The following NRG3 variants were observed in gnomAD, a reference collection of about 807,000 sequenced individuals.
The protein encoded by NRG3 is pro-neuregulin-3, membrane-bound isoform.
In NRG3, 31 loss-of-function variants were observed where a neutral mutation model predicts 66.9. The observed-to-expected ratio is 0.46, with a 90% confidence interval of 0.35 to 0.63. The LOEUF (loss-of-function observed/expected upper bound fraction) is 0.63, where lower values mean the gene tolerates loss of function less well. Ranked by LOEUF, NRG3 falls within the 20% of genes least tolerant of loss-of-function variation. The pLI is 0.00. For missense variants in NRG3, 910 were observed against 878.9 expected (o/e 1.04, Z -0.45); for synonymous variants, 393 against 359.4 (o/e 1.09, Z -1.06).
chr10:82,545,877 T>A (rs2043877483), intron 2 of NRG3, among the ~76,000 whole-genome samples: 1 of 134,360 alleles, frequency 7.4e-6, no homozygotes, highest in Admixed American at 8.5e-5. Context: ...AAGCTCCTCC[T>A]CCCGGGTTCA....
chr10:82,853,564 T>G (rs1391038377), intron 3 of NRG3, among the ~76,000 whole-genome samples: 1 of 152,160 alleles, frequency 6.6e-6, no homozygotes, highest in East Asian at 1.9e-4. Flanking sequence ...TTGTGGCTCT[T>G]GTAAAAGGGG....
At chr10:82,565,813 C>G (rs1416680818) in intron 2 of NRG3, among the ~76,000 whole-genome samples, 1 of 151,984 alleles carries the variant, frequency 6.6e-6, no homozygotes, top group Non-Finnish European at 1.5e-5. Context: ...GTATGTAATT[C>G]TGTTGTGATA....
At chr10:82,049,990 C>T (rs2063513821) in intron 1 of NRG3, among the ~76,000 whole-genome samples, 4 of 152,002 alleles carry the variant, frequency 2.6e-5, no homozygotes, top group African/African-American at 7.2e-5. Context: ...ATTTTCTGTA[C>T]CATCCCCTAT....
intron 2 of NRG3, among the ~76,000 whole-genome samples, chr10:82,437,469 A>T (rs2090201333): frequency 6.6e-6 from 1 of 151,830 alleles, no homozygotes; most frequent in Admixed American, 6.6e-5. Flanking sequence ...GCTTCTTTGC[A>T]TTGTGTTAGA....
chr10:82,617,650 CAA>C (rs1432226497), intron 2 of NRG3, among the ~76,000 whole-genome samples: 1 of 152,102 alleles, frequency 6.6e-6, no homozygotes, highest in African/African-American at 2.4e-5. Context: ...TTAGGAAAAA[CAA>C]TGTCAAAATG....
At position 82,081,968 on chromosome 10, in the gene NRG3, C is replaced by T. The variant is rs79739796; in HGVS notation, c.823+205805C>T. Among the ~76,000 whole-genome samples, 1,234 of 152,054 alleles carry T rather than the reference C, an allele frequency of 8.1e-3. 21 individuals carry two copies. The highest frequency in any genetic ancestry group is 0.028 in the African/African-American group (1,176 of 41,454). Reference sequence around the variant, plus strand: ...CCAGGCGTTTTGAGTCTAGCCTGGGCGACATAGCTTGAGCCCATATCTAAA... The same window carrying T: ...CCAGGCGTTTTGAGTCTAGCCTGGGTGACATAGCTTGAGCCCATATCTAAA... On this transcript the variant is annotated intron_variant, in intron 1 of 8. Transcript: ENST00000372141.
intron 1 of NRG3, among the ~76,000 whole-genome samples, chr10:82,115,331 A>G (rs572299434): frequency 6.6e-6 from 1 of 152,286 alleles, no homozygotes; most frequent in African/African-American, 2.4e-5. Context: ...CTTTTCAATC[A>G]TTTGACATTT....
At chr10:82,214,946 TA>T (rs1396274346) in intron 1 of NRG3, among the ~76,000 whole-genome samples, 11 of 152,188 alleles carry the variant, frequency 7.2e-5, no homozygotes, top group Non-Finnish European at 8.8e-5. Flanking sequence ...TCCATCTTAC[TA>T]AAGTTTGTGC....
At chr10:82,465,404 C>A (rs1840579836) in intron 2 of NRG3, among the ~76,000 whole-genome samples, 1 of 152,174 alleles carries the variant, frequency 6.6e-6, no homozygotes, top group Non-Finnish European at 1.5e-5. Context: ...GAGCTAGCTC[C>A]CTGGAATAGA....
chr10:81,924,932 AAG>A (rs1298320156), intron 1 of NRG3, among the ~76,000 whole-genome samples: 1 of 152,152 alleles, frequency 6.6e-6, no homozygotes, highest in Non-Finnish European at 1.5e-5. Context: ...TTGCAGGTGA[AAG>A]AGAAAAAAAA....
At chr10:82,007,958 A>G (rs1031685354) in intron 1 of NRG3, among the ~76,000 whole-genome samples, 9 of 152,022 alleles carry the variant, frequency 5.9e-5, no homozygotes, top group African/African-American at 1.9e-4. Context: ...CTCAGAAACA[A>G]CTTCTATTAT....
In NRG3 at chr10:82,161,688, G is replaced by A. The variant is rs149216917; in HGVS notation, c.824-197051G>A. On this transcript the variant is annotated intron_variant, in intron 1 of 8. Transcript: ENST00000372141. ...CTGTTCTCTTTTCAACTGCCTTTCA[G>A]TAACAGGTGCTGTTGTCACTGAATC... 9.0e-3 allele frequency among the ~76,000 whole-genome samples: 1,367 copies of A among 152,126 alleles called. 62 individuals carry two copies. The highest frequency in any genetic ancestry group is 0.071 in the Admixed American group (1,086 of 15,234).
chr10:81,950,195 C>T (rs1421370392), intron 1 of NRG3, among the ~76,000 whole-genome samples: 1 of 152,176 alleles, frequency 6.6e-6, no homozygotes, highest in Non-Finnish European at 1.5e-5. Context: ...TACTTTTTCA[C>T]TCCCATCTTC....
chr10:82,346,212 A>G (rs1002013655), intron 1 of NRG3, among the ~76,000 whole-genome samples: 1 of 149,458 alleles, frequency 6.7e-6, no homozygotes, highest in African/African-American at 2.5e-5. Context: ...TGTCATAGAT[A>G]GCTCTTATTA....
chr10:81,928,836 T>C (rs896996981), intron 1 of NRG3, among the ~76,000 whole-genome samples: 5 of 148,358 alleles, frequency 3.4e-5, no homozygotes, highest in East Asian at 1.9e-4. Flanking sequence ...TAAAGAACAA[T>C]TTTTTTTTGA....
chr10:82,573,961 G>A (rs2929147), intron 2 of NRG3, among the ~76,000 whole-genome samples: 12,798 of 151,746 alleles, frequency 0.084, 625 homozygotes, highest in East Asian at 0.15. Context: ...TAGCCATTAT[G>A]GAAAACACTA....
rs149003994 is a variant in NRG3 at position 82,973,771 on chromosome 10, C to T, written c.1285-17C>T. ...ATGTATCCTTCGTCTCAACTCTGTA[C>T]GTGTGATTTCCCACAGTATTCAAAG... On this transcript the variant is annotated splice_polypyrimidine_tract_variant and intron_variant, in intron 6 of 8. Coordinates refer to ENST00000372141, the MANE Select transcript of NRG3 (RefSeq NM_001010848.4). The T allele has an allele frequency of 4.3e-6, 7 of 1,613,554 alleles. No homozygotes were observed. The highest frequency in any genetic ancestry group is 4.0e-5 in the African/African-American group (3 of 75,000).
At chr10:82,809,528 C>T (rs2061413344) in intron 3 of NRG3, among the ~76,000 whole-genome samples, 1 of 152,020 alleles carries the variant, frequency 6.6e-6, no homozygotes, top group Admixed American at 6.6e-5. Context: ...GTAACTATGT[C>T]CCCATAATAT....
chr10:82,905,656 C>A (rs905682339), intron 4 of NRG3, among the ~76,000 whole-genome samples: 2 of 152,094 alleles, frequency 1.3e-5, no homozygotes, highest in Non-Finnish European at 2.9e-5. Context: ...ACTTTCCTTG[C>A]TTTCTGAACC....
Sources: allele counts gnomAD v4.1 joint callset (sites outside exome capture counted in the v4.1 genomes callset), GRCh38; gene constraint gnomAD v4.1.1; transcripts MANE v1.5; gene names NCBI Gene and HGNC (gene_info 2026-07-23, HGNC 2026-07-21).